DLG2: variants seen among roughly 807,000 people sequenced by gnomAD.
DLG2 encodes the protein disks large homolog 2.
DLG2 carries 45 observed loss-of-function variants against 132.5 expected under a neutral mutation model. The ratio of observed to expected loss-of-function variants is 0.34; its 90% CI spans 0.27 to 0.44. The LOEUF is 0.44. Ranked by LOEUF, DLG2 falls within the 20% of genes least tolerant of loss-of-function variation. DLG2 has a pLI of 1.00. For missense variants in DLG2, 1,045 were observed against 1,196.9 expected (o/e 0.87, Z 1.87); for synonymous variants, 424 against 419.6 (o/e 1.01, Z -0.13).
At chr11:84,951,991 A>G (rs2050985238) in intron 6 of DLG2, among the ~76,000 whole-genome samples, 1 of 152,178 alleles carries the variant, frequency 6.6e-6, no homozygotes, top group African/African-American at 2.4e-5. Flanking sequence ...GAAACTGCAT[A>G]ATTATAAATT....
intron 11 of DLG2, among the ~76,000 whole-genome samples, chr11:84,046,317 A>T (rs1593970129): frequency 6.6e-6 from 1 of 151,614 alleles, no homozygotes; most frequent in African/African-American, 2.4e-5. Flanking sequence ...CTGTGTATTG[A>T]GAGAGATCAG....
chr11:84,566,413 T>TA (rs1592513695), intron 6 of DLG2, among the ~76,000 whole-genome samples: 1 of 152,022 alleles, frequency 6.6e-6, no homozygotes, highest in Non-Finnish European at 1.5e-5. Flanking sequence ...TAAATCAGGG[T>TA]AAAAAAAGTT....
intron 14 of DLG2, among the ~76,000 whole-genome samples, chr11:83,954,531 A>T (rs1327144229): frequency 2.0e-5 from 3 of 152,186 alleles, no homozygotes; most frequent in African/African-American, 7.2e-5. Context: ...TATGTTGGAG[A>T]AATCAGAAAT....
intron 6 of DLG2, among the ~76,000 whole-genome samples, chr11:84,543,689 C>A (rs1421380329): frequency 4.6e-5 from 7 of 152,060 alleles, no homozygotes; most frequent in Non-Finnish European, 1.0e-4. Flanking sequence ...AACAATGACC[C>A]ACAATTAGCA....
At chr11:84,306,501 GGTCCCTTGATTTTCGCGGAGTTATA>G (rs1168538973) in intron 7 of DLG2, among the ~76,000 whole-genome samples, 1 of 152,094 alleles carries the variant, frequency 6.6e-6, no homozygotes, top group Non-Finnish European at 1.5e-5. Flanking sequence ...AAAGTGTAAT[GGTCCCTTGATTTTCGCGGAGTTATA>G]GTCCCAGAAA....
intron 22 of DLG2, among the ~76,000 whole-genome samples, chr11:83,477,102 G>C (rs986396101): frequency 6.6e-6 from 1 of 152,050 alleles, no homozygotes; most frequent in African/African-American, 2.4e-5. Context: ...GGGTTGGAAG[G>C]ATAATTATCA....
At chr11:84,116,844 G>A (rs2093656975) in intron 9 of DLG2, among the ~76,000 whole-genome samples, 1 of 152,190 alleles carries the variant, frequency 6.6e-6, no homozygotes, top group African/African-American at 2.4e-5. Context: ...AGTGAAACGT[G>A]CATTGGCTCC....
intron 8 of DLG2, among the ~76,000 whole-genome samples, chr11:84,218,186 G>T (rs925480111): frequency 7.4e-6 from 1 of 135,656 alleles, no homozygotes; most frequent in African/African-American, 2.7e-5. Context: ...GAAAGAAAAA[G>T]AAACAAAGAA....
At chr11:83,486,141 C>T (rs1450804947) in intron 21 of DLG2, 3 of 606,942 alleles carry the variant, frequency 4.9e-6, no homozygotes, top group Non-Finnish European at 8.7e-6. Flanking sequence ...TGAGAACTGC[C>T]CCCAAATTTT....
chr11:84,611,926 T>C (rs1045954369), intron 6 of DLG2, among the ~76,000 whole-genome samples: 8 of 152,154 alleles, frequency 5.3e-5, no homozygotes, highest in Admixed American at 4.6e-4. Flanking sequence ...TTCAAAAAGA[T>C]ACATCATTTT....
At chr11:84,691,301 T>C (rs964840160) in intron 6 of DLG2, among the ~76,000 whole-genome samples, 1 of 151,864 alleles carries the variant, frequency 6.6e-6, no homozygotes. Flanking sequence ...CTAAATTATG[T>C]CTGTGTCTTC....
chr11:84,197,350 A>G (rs1422942532), intron 8 of DLG2, among the ~76,000 whole-genome samples: 1 of 152,196 alleles, frequency 6.6e-6, no homozygotes, highest in Non-Finnish European at 1.5e-5. Context: ...TCAAAATATA[A>G]AACACAAATC....
chr11:84,912,784 T>C (rs540449047), intron 6 of DLG2, among the ~76,000 whole-genome samples: 1 of 152,328 alleles, frequency 6.6e-6, no homozygotes, highest in Non-Finnish European at 1.5e-5. Context: ...ACAGTAGGTC[T>C]CGCAGAAGGT....
intron 7 of DLG2, among the ~76,000 whole-genome samples, chr11:84,451,165 C>A (rs1567671742): frequency 6.6e-6 from 1 of 151,872 alleles, no homozygotes. Context: ...TTTTCATTTG[C>A]ATGGCCTCTT....
intron 7 of DLG2, among the ~76,000 whole-genome samples, chr11:84,521,648 G>A (rs2099301315): frequency 6.6e-6 from 1 of 152,054 alleles, no homozygotes. Flanking sequence ...CTAAAGCAAG[G>A]TATCATCTTG....
intron 3 of DLG2, among the ~76,000 whole-genome samples, chr11:85,520,664 C>A (rs2074239249): frequency 6.6e-6 from 1 of 150,966 alleles, no homozygotes; most frequent in Admixed American, 6.6e-5. Context: ...AAAAAAAAAA[C>A]ACATGGACCA....
chr11:83,525,145 T>A (rs1409726077), intron 21 of DLG2, among the ~76,000 whole-genome samples: 1 of 152,172 alleles, frequency 6.6e-6, no homozygotes, highest in South Asian at 2.1e-4. Context: ...TAATATGAAC[T>A]TTTTCATCCC....
At position 84,292,809 on chromosome 11, in the gene DLG2, G is replaced by A. The variant is rs374515484; in HGVS notation, c.520-41518C>T. 4.1e-4 allele frequency among the ~76,000 whole-genome samples: 63 copies of A among 152,180 alleles called. 1 individual carries two copies. In the South Asian group the frequency reaches 0.013, roughly 31 times the overall value. ...GAAGGGAGATAAATTAGATGTAAAG[G>A]CAGGGGGGTCCAATCCTTGGCTTCC... is the stretch of plus-strand genomic sequence containing the variant. On this transcript the variant is annotated intron_variant, in intron 7 of 27. Transcript: ENST00000376104.
chr11:84,980,437 C>G (rs1031475311), intron 6 of DLG2, among the ~76,000 whole-genome samples: 1 of 152,086 alleles, frequency 6.6e-6, no homozygotes, highest in Non-Finnish European at 1.5e-5. Flanking sequence ...ATTCCTCCCC[C>G]TATACAGGCC....
Sources: gnomAD v4.1 joint callset for allele counts (sites outside exome capture counted in the v4.1 genomes callset) on GRCh38, gnomAD v4.1.1 for gene constraint, MANE v1.5 for transcripts, NCBI Gene and HGNC (gene_info 2026-07-23, HGNC 2026-07-21) for gene names.